HFM1: variants seen among roughly 807,000 people sequenced by gnomAD.
HFM1 encodes the protein probable ATP-dependent DNA helicase HFM1.
HFM1 carries 169 observed loss-of-function variants against 192.1 expected under a neutral mutation model. The observed-to-expected ratio is 0.88, with a 90% CI of 0.78 to 1.00. HFM1 has a LOEUF of 1.00. Ranked by LOEUF, HFM1 falls within the 50% of genes least tolerant of loss-of-function variation. The pLI is 0.00. For synonymous variants in HFM1, 525 were observed against 537.8 expected, an observed-to-expected ratio of 0.98 and a Z score of 0.33; for missense variants, 1,661 against 1,668.0, an observed-to-expected ratio of 1.00 and a Z score of 0.07.
In HFM1 at chr1:91,401,056, A is replaced by G; in HGVS notation, c.27T>C (p.Phe9=). The G allele has an allele frequency of 6.4e-7, 1 of 1,556,996 alleles. No individual in the cohort carries two copies. ...TTTCAAAAAACAAATTTTCCAAAGA[A>G]AACAGGCAATCATTTGATTTCAGCA... The part of the protein sequence containing the change: MLKSNDCL[F]SLENLFFEKP... Residue 9 remains phenylalanine, a synonymous_variant, in exon 2 of 39, where the codon TTT becomes TTC. Coordinates refer to ENST00000370425, the MANE Select transcript of HFM1 (RefSeq NM_001017975.6).
chr1:91,406,164 G>A (rs1664800753), upstream of HFM1, among the ~76,000 whole-genome samples: 1 of 152,230 alleles, frequency 6.6e-6, no homozygotes, highest in Non-Finnish European at 1.5e-5. Flanking sequence ...GTATCTGCAA[G>A]CCAGGAAGGA....
chr1:91,326,172 C>T (rs1157343417), intron 20 of HFM1, among the ~76,000 whole-genome samples: 1 of 152,026 alleles, frequency 6.6e-6, no homozygotes, highest in Non-Finnish European at 1.5e-5. Context: ...AGAAGCAGTA[C>T]AAAAAGAGAT....
intron 11 of HFM1, among the ~76,000 whole-genome samples, chr1:91,376,644 C>T (rs1436428240): frequency 6.6e-6 from 1 of 151,314 alleles, no homozygotes; most frequent in Admixed American, 6.6e-5. Context: ...AAAAAAAGAA[C>T]TCAAAGTAGT....
intron 25 of HFM1, among the ~76,000 whole-genome samples, chr1:91,317,858 G>C (rs1651484648): frequency 6.6e-6 from 1 of 150,984 alleles, no homozygotes; most frequent in Non-Finnish European, 1.5e-5. Flanking sequence ...TTTTTGTTTA[G>C]ATTCTCTCAC....
chr1:91,319,640 T>TA (rs1389060987), intron 23 of HFM1, among the ~76,000 whole-genome samples: 4 of 152,174 alleles, frequency 2.6e-5, no homozygotes, highest in Admixed American at 1.3e-4. Context: ...AATCTCTCTC[T>TA]AAAAGATCTC....
chr1:91,278,206 C>G (rs530856258), intron 30 of HFM1, among the ~76,000 whole-genome samples: 123 of 151,800 alleles, frequency 8.1e-4, no homozygotes, highest in Non-Finnish European at 1.5e-3. Flanking sequence ...CTTTAGGGAT[C>G]TAAGAAATTA....
At chr1:91,358,232 C>T (rs1018313811) in intron 13 of HFM1, among the ~76,000 whole-genome samples, 3 of 151,884 alleles carry the variant, frequency 2.0e-5, no homozygotes, top group South Asian at 2.1e-4. Context: ...TGCAGTGAGC[C>T]GAGATCGCGC....
Position 91,266,124 on chromosome 1 carries a change from C to A in HFM1, c.3884-17G>T. ...TTCCAAATCCTATGTGAAGAGATAA[C>A]ATTTTGAAACAAAATGCCAAGAAAC... On this transcript the variant is annotated splice_polypyrimidine_tract_variant and intron_variant, in intron 35 of 38. Transcript: ENST00000370425. The A allele has an allele frequency of 1.3e-6, 2 of 1,582,386 alleles. No homozygotes were observed. Among genetic ancestry groups the A allele is most frequent in the Non-Finnish European group, 1.7e-6 (2 of 1,168,698 alleles).
intron 13 of HFM1, among the ~76,000 whole-genome samples, chr1:91,367,605 C>T (rs1259692561): frequency 6.6e-6 from 1 of 152,002 alleles, no homozygotes; most frequent in Admixed American, 6.6e-5. Context: ...CCCACCTGTA[C>T]GTCACCATCA....
At chr1:91,292,000 A>C (rs1668820910) in intron 30 of HFM1, among the ~76,000 whole-genome samples, 1 of 152,300 alleles carries the variant, frequency 6.6e-6, no homozygotes, top group Middle Eastern at 3.4e-3. Flanking sequence ...AAAATTCAAC[A>C]ACACTTCATG....
intron 17 of HFM1, among the ~76,000 whole-genome samples, chr1:91,351,110 G>A (rs549359801): frequency 2.6e-4 from 39 of 152,056 alleles, no homozygotes; most frequent in African/African-American, 8.4e-4. Context: ...AAGTTGAAGC[G>A]TAAATTATAT....
intron 25 of HFM1, 84 bp from the exon 26 acceptor site, chr1:91,316,560 TA>T (rs767080020): frequency 0.13 from 54,882 of 439,002 alleles, 1,913 homozygotes; most frequent in Middle Eastern, 0.15. Flanking sequence ...ACTAAATTAG[TA>T]AAAAAAAAAA....
chr1:91,323,037 T>A lies in HFM1; in HGVS notation c.2535-40A>T, dbSNP rs111782207. 905 of 1,324,734 alleles carry A rather than the reference T, an allele frequency of 6.8e-4. 4 individuals carry two copies. The African/African-American group carries it at 0.012, about 18-fold the overall frequency. 82.1% of individuals were successfully genotyped at this position (1,324,734 alleles called of 1,614,324 possible). A position where few individuals can be genotyped will look rare whatever the true frequency, so the allele number is the denominator to read the frequency against. ...ACATGGCAAAACATTTATTATTATT[T>A]ATTTTAATTAAATAAAACCTCTTAA... On this transcript the variant is annotated intron_variant, in intron 22 of 38. Coordinates refer to ENST00000370425, the MANE Select transcript of HFM1 (RefSeq NM_001017975.6).
At chr1:91,389,865 C>G (rs1557516727) in intron 4 of HFM1, among the ~76,000 whole-genome samples, 2 of 152,138 alleles carry the variant, frequency 1.3e-5, no homozygotes, top group Admixed American at 1.3e-4. Context: ...TCAAATATTG[C>G]TGATGGGACT....
chr1:91,279,866 T>A (rs1025781638), intron 30 of HFM1, among the ~76,000 whole-genome samples: 3 of 152,098 alleles, frequency 2.0e-5, no homozygotes, highest in Non-Finnish European at 2.9e-5. Flanking sequence ...TTATATTGAA[T>A]GTATTTACAG....
chr1:91,406,514 A>T (rs990636710), upstream of HFM1, among the ~76,000 whole-genome samples: 2 of 152,234 alleles, frequency 1.3e-5, no homozygotes, highest in Non-Finnish European at 2.9e-5. Context: ...TGCAGTTTTT[A>T]AAAGGAAGCC....
chr1:91,388,954 T>C (rs1662579257), intron 4 of HFM1, among the ~76,000 whole-genome samples: 1 of 151,944 alleles, frequency 6.6e-6, no homozygotes, highest in Admixed American at 6.6e-5. Context: ...AAAAGACAAA[T>C]AGCCCAATTA....
chr1:91,320,506 A>G (rs1557844220), intron 23 of HFM1, among the ~76,000 whole-genome samples: 1 of 152,206 alleles, frequency 6.6e-6, no homozygotes, highest in South Asian at 2.1e-4. Context: ...AGCTACCTAG[A>G]GATGCACAAA....
chr1:91,385,438 G>T (rs2102049736), intron 5 of HFM1, 137 bp downstream of exon 5: 1 of 753,840 alleles, frequency 1.3e-6, no homozygotes, highest in South Asian at 2.0e-5. Flanking sequence ...AGAAAATAAT[G>T]CAATATAATA....
Sources: allele counts gnomAD v4.1 joint callset (sites outside exome capture counted in the v4.1 genomes callset), GRCh38; gene constraint gnomAD v4.1.1; transcripts MANE v1.5; gene names NCBI Gene and HGNC (gene_info 2026-07-23, HGNC 2026-07-21).